Variants in KIAA1958 observed in about 807,000 individuals in gnomAD.
KIAA1958 encodes uncharacterized protein KIAA1958.
A neutral mutation model predicts 47.2 loss-of-function variants in KIAA1958; 14 were observed. The ratio of observed to expected loss-of-function variants is 0.30; its 90% CI spans 0.20 to 0.46. The LOEUF is 0.46. Ranked by LOEUF, KIAA1958 falls within the 20% of genes least tolerant of loss-of-function variation. The pLI is 1.00. For synonymous variants in KIAA1958, 354 were observed against 353.3 expected (o/e 1.00, Z -0.02); for missense variants, 803 against 909.2 (o/e 0.88, Z 1.50).
In KIAA1958 at chr9:112,587,043, G is replaced by A. The variant is rs146870955; in HGVS notation, c.1171+11792G>A. 2.8e-3 allele frequency among the ~76,000 whole-genome samples: 430 copies of A among 152,232 alleles called. 2 individuals carry two copies. Among genetic ancestry groups the A allele is most frequent in the African/African-American group, 9.8e-3 (407 of 41,530 alleles). On this transcript the variant is annotated intron_variant, in intron 2 of 3. Transcript: ENST00000337530. ...GGAGTGAGCAGAATGCAGGTGATCC[G>A]CTTCATTTTAGGTCCAGCAATAGCT...
chr9:112,618,013 C>G lies in KIAA1958; in HGVS notation c.1172-27637C>G, dbSNP rs1385545833. The stretch of plus-strand genomic sequence containing the variant: ...CAAGAGAGATTTATGTCATCCCTTG[C>G]AAGGAGTTGGATGCCTACCTTGCCT... On this transcript the variant is annotated intron_variant, in intron 2 of 3. Coordinates refer to ENST00000337530, the MANE Select transcript of KIAA1958 (RefSeq NM_133465.4). This position sits in a 1 kb window ranked among gnomAD's most constrained non-coding sequence, Gnocchi z 7.1. The G allele has an allele frequency of 7.7e-6, 12 of 1,550,446 alleles. No homozygotes were observed. Among genetic ancestry groups the G allele is most frequent in the African/African-American group, 1.4e-5 (1 of 73,034 alleles).
chr9:112,491,558 G>GTTTTTTTTTTTTT (rs765102234), intron 1 of KIAA1958, among the ~76,000 whole-genome samples: 1 of 143,622 alleles, frequency 7.0e-6, no homozygotes, highest in Non-Finnish European at 1.5e-5. Flanking sequence ...TTTTTTTTTT[G>GTTTTTTTTTTTTT]TTTTTTTTGT....
chr9:112,520,548 A>C (rs1010548652), intron 1 of KIAA1958, among the ~76,000 whole-genome samples: 7 of 152,338 alleles, frequency 4.6e-5, no homozygotes, highest in East Asian at 1.9e-4. Flanking sequence ...GTGGCAGAAG[A>C]AGCAGAAGCA....
intron 1 of KIAA1958, among the ~76,000 whole-genome samples, chr9:112,516,658 A>G (rs1834440623): frequency 6.6e-6 from 1 of 152,256 alleles, no homozygotes; most frequent in Admixed American, 6.5e-5. Context: ...CATTTAAAAG[A>G]GAATAAAGTT....
chr9:112,530,862 G>T (rs980815783), intron 1 of KIAA1958, among the ~76,000 whole-genome samples: 4 of 152,082 alleles, frequency 2.6e-5, no homozygotes, highest in East Asian at 1.9e-4. Flanking sequence ...AGTCATGCTT[G>T]CCAGAAATTA....
At chr9:112,594,409 T>C (rs191211801) in intron 2 of KIAA1958, among the ~76,000 whole-genome samples, 31 of 152,316 alleles carry the variant, frequency 2.0e-4, no homozygotes, top group Non-Finnish European at 3.8e-4. Flanking sequence ...TTGCCTCTCT[T>C]ACTCCCTCCT....
At chr9:112,567,434 T>C (rs1377238943) in intron 1 of KIAA1958, among the ~76,000 whole-genome samples, 1 of 152,132 alleles carries the variant, frequency 6.6e-6, no homozygotes, top group Non-Finnish European at 1.5e-5. Context: ...AGGAGGCCTC[T>C]GTAGTTCCAG....
At chr9:112,530,731 G>A (rs1170814590) in intron 1 of KIAA1958, among the ~76,000 whole-genome samples, 1 of 152,166 alleles carries the variant, frequency 6.6e-6, no homozygotes, top group Non-Finnish European at 1.5e-5. Flanking sequence ...ATTTATGGTT[G>A]CCAGTAGCTG....
chr9:112,523,959 T>C (rs534417974), intron 1 of KIAA1958, among the ~76,000 whole-genome samples: 4 of 152,352 alleles, frequency 2.6e-5, no homozygotes, highest in Non-Finnish European at 4.4e-5. Flanking sequence ...CCAACTAATA[T>C]ACCCCTTCTA....
At chr9:112,578,694 C>T (rs1835689893) in intron 2 of KIAA1958, among the ~76,000 whole-genome samples, 1 of 152,042 alleles carries the variant, frequency 6.6e-6, no homozygotes, top group African/African-American at 2.4e-5. Context: ...TCATGTCAAT[C>T]CTGCCATACT....
At chr9:112,518,107 A>G (rs963360262) in intron 1 of KIAA1958, among the ~76,000 whole-genome samples, 1 of 152,226 alleles carries the variant, frequency 6.6e-6, no homozygotes, top group African/African-American at 2.4e-5. Flanking sequence ...TGTCCCAGCT[A>G]CTTGGGAGGC....
chr9:112,658,440 T>C (rs755921809), intron 3 of KIAA1958, among the ~76,000 whole-genome samples: 2 of 152,104 alleles, frequency 1.3e-5, no homozygotes, highest in Non-Finnish European at 2.9e-5. Context: ...GGGAAGCAAA[T>C]GATTTGCAAA....
chr9:112,583,424 A>G (rs2131182953), intron 2 of KIAA1958, among the ~76,000 whole-genome samples: 1 of 152,360 alleles, frequency 6.6e-6, no homozygotes, highest in East Asian at 1.9e-4. Flanking sequence ...AATTTACAAT[A>G]TCAAAGTTTA....
At chr9:112,521,811 T>A (rs1834548908) in intron 1 of KIAA1958, among the ~76,000 whole-genome samples, 1 of 152,120 alleles carries the variant, frequency 6.6e-6, no homozygotes, top group African/African-American at 2.4e-5. Context: ...TTTAAAAAAA[T>A]CAATAGGATA....
chr9:112,541,109 A>C (rs780009844), intron 1 of KIAA1958, among the ~76,000 whole-genome samples: 26 of 152,072 alleles, frequency 1.7e-4, no homozygotes, highest in Non-Finnish European at 3.2e-4. Context: ...TATCATCTGG[A>C]GGTAATGCTG....
intron 2 of KIAA1958, among the ~76,000 whole-genome samples, chr9:112,621,448 A>C (rs1392648292): frequency 1.3e-5 from 2 of 152,210 alleles, no homozygotes; most frequent in East Asian, 3.9e-4. Flanking sequence ...TTCTGACAGC[A>C]CAGTAAGTTT....
intron 1 of KIAA1958, among the ~76,000 whole-genome samples, chr9:112,528,989 A>C (rs2132808631): frequency 6.6e-6 from 1 of 152,358 alleles, no homozygotes; most frequent in South Asian, 2.1e-4. Context: ...GAATTATACA[A>C]ATAAAGGAAT....
intron 1 of KIAA1958, among the ~76,000 whole-genome samples, chr9:112,501,830 T>C (rs899240041): frequency 2.0e-5 from 3 of 152,180 alleles, no homozygotes; most frequent in African/African-American, 7.2e-5. Context: ...TCACTCTTTC[T>C]TGAAAAAACA....
chr9:112,616,015 G>T (rs1836403260), intron 2 of KIAA1958, among the ~76,000 whole-genome samples: 1 of 152,230 alleles, frequency 6.6e-6, no homozygotes, highest in Non-Finnish European at 1.5e-5. Flanking sequence ...TGCTGTGATA[G>T]ATATTTGAAC....
Sources: gnomAD v4.1 joint callset for allele counts (sites outside exome capture counted in the v4.1 genomes callset) on GRCh38, gnomAD v4.1.1 for gene constraint, Gnocchi (gnomAD v3.1) non-coding constraint, MANE v1.5 for transcripts, NCBI Gene and HGNC (gene_info 2026-07-23, HGNC 2026-07-21) for gene names.